Variants in STK39 observed in about 807,000 individuals in gnomAD.
The protein encoded by STK39 is STE20/SPS1-related proline-alanine-rich protein kinase.
A neutral mutation model predicts 77.8 loss-of-function variants in STK39; 20 were observed. That is an observed-to-expected ratio of 0.26 (90% CI 0.18 to 0.37). The LOEUF (loss-of-function observed/expected upper bound fraction) is 0.37, where lower values mean the gene tolerates loss of function less well. Among genes scored for constraint, STK39 ranks in the 10% least tolerant of loss-of-function variants. STK39 has a pLI of 1.00. For missense variants in STK39, 479 were observed against 656.5 expected (o/e 0.73, Z 2.95); for synonymous variants, 246 against 234.1 (o/e 1.05, Z -0.47).
At chr2:168,211,597 G>A (rs962288221) in intron 1 of STK39, among the ~76,000 whole-genome samples, 1 of 152,300 alleles carries the variant, frequency 6.6e-6, no homozygotes, top group Non-Finnish European at 1.5e-5. Flanking sequence ...CTTTATATCT[G>A]CATCTGCCTT....
At chr2:168,243,035 CAACA>C (rs1221295615) in intron 1 of STK39, among the ~76,000 whole-genome samples, 1 of 151,704 alleles carries the variant, frequency 6.6e-6, no homozygotes, top group African/African-American at 2.4e-5. Context: ...TTAAAAACAA[CAACA>C]AACAAACTAA....
chr2:168,139,398 T>TA lies in STK39; in HGVS notation c.840+890dup, dbSNP rs66702633. ...AAATACACTAAAATCCTAACTATGTTAAAAAAAATTTATATATATATATAT... is the reference window on the plus strand; with the variant it reads ...AAATACACTAAAATCCTAACTATGTTAAAAAAAAATTTATATATATATATAT... On this transcript the variant is annotated intron_variant, in intron 7 of 17. Transcript: ENST00000355999. 5.7e-5 allele frequency among the ~76,000 whole-genome samples: 8 copies of TA among 140,278 alleles called. No homozygotes were observed. In the East Asian group the frequency reaches 7.0e-4, roughly 12 times the overall value. 92.0% of individuals were successfully genotyped at this position (140,278 alleles called of 152,430 possible).
Position 167,984,226 on chromosome 2 carries a change from T to C in STK39, c.1499-19500A>G, listed in dbSNP as rs112736832. ...CAAGTAATGCAAATCTTGCCTTGCA[T>C]CTCATACAGGCAGATTCATACACAA... On this transcript the variant is annotated intron_variant, in intron 16 of 17. Transcript: ENST00000355999. 2.9e-3 allele frequency among the ~76,000 whole-genome samples: 444 copies of C among 152,334 alleles called. 4 individuals carry two copies. The highest frequency in any genetic ancestry group is 2.4e-3 in the Non-Finnish European group (165 of 68,034).
chr2:168,189,938 A>G lies in STK39; in HGVS notation c.209-7848T>C, dbSNP rs577250555. ...CTAAGAAAAAGATTACTTCATTTTGATGGGGAGTATAGGGAGAAGAGAGGA... is the reference window on the plus strand; with the variant it reads ...CTAAGAAAAAGATTACTTCATTTTGGTGGGGAGTATAGGGAGAAGAGAGGA... On this transcript the variant is annotated intron_variant, in intron 1 of 17. Coordinates refer to ENST00000355999, the MANE Select transcript of STK39 (RefSeq NM_013233.3). 4.6e-5 allele frequency among the ~76,000 whole-genome samples: 7 copies of G among 152,266 alleles called. No individual in the cohort carries two copies. The South Asian group carries it at 1.5e-3, about 32-fold the overall frequency.
intron 14 of STK39, among the ~76,000 whole-genome samples, chr2:168,057,625 G>C (rs1254585169): frequency 6.6e-6 from 1 of 152,136 alleles, no homozygotes. Context: ...AGTGATCCCT[G>C]TTCCAGCCTG....
chr2:168,051,077 C>T (rs1685383492), intron 14 of STK39, among the ~76,000 whole-genome samples: 1 of 152,136 alleles, frequency 6.6e-6, no homozygotes, highest in South Asian at 2.1e-4. Context: ...GAAATCTTAC[C>T]ACTCATTATC....
At chr2:168,184,461 C>G (rs937065567) in intron 1 of STK39, among the ~76,000 whole-genome samples, 1 of 152,154 alleles carries the variant, frequency 6.6e-6, no homozygotes, top group Non-Finnish European at 1.5e-5. Flanking sequence ...AAAGATTTCC[C>G]TTCAACTATA....
chr2:168,236,282 G>A (rs1416043121), intron 1 of STK39, among the ~76,000 whole-genome samples: 51 of 152,114 alleles, frequency 3.4e-4, no homozygotes, highest in African/African-American at 1.1e-3. Flanking sequence ...CATATCCTTC[G>A]CCCACTTTTT....
intron 1 of STK39, among the ~76,000 whole-genome samples, chr2:168,206,133 T>C (rs1357661821): frequency 6.6e-6 from 1 of 152,180 alleles, no homozygotes; most frequent in Non-Finnish European, 1.5e-5. Context: ...CTGACAGCAA[T>C]GTCCTCATGA....
chr2:167,987,646 T>A (rs1683595019), intron 16 of STK39, among the ~76,000 whole-genome samples: 1 of 152,124 alleles, frequency 6.6e-6, no homozygotes, highest in Non-Finnish European at 1.5e-5. Context: ...TCCTAATGTT[T>A]TAACAAAGAC....
In STK39 at chr2:167,999,607, G is replaced by A. The variant is rs374590597; in HGVS notation, c.1498+13027C>T. ...CTCCCGAGTAGCTGGAACTACAGGC[G>A]CCTGACACCACGCCCGGCTAATTTT... On this transcript the variant is annotated intron_variant, in intron 16 of 17. Transcript: ENST00000355999. Among the ~76,000 whole-genome samples the A allele has an allele frequency of 1.1e-4, 16 of 151,984 alleles. No individual in the cohort carries two copies. The South Asian group carries it at 2.9e-3, about 28-fold the overall frequency.
intron 14 of STK39, among the ~76,000 whole-genome samples, chr2:168,020,614 CAT>C (rs1460291164): frequency 6.6e-6 from 1 of 150,556 alleles, no homozygotes; most frequent in Non-Finnish European, 1.5e-5. Flanking sequence ...ATAATATACA[CAT>C]ATATGTATAT....
intron 2 of STK39, among the ~76,000 whole-genome samples, chr2:168,172,619 G>A (rs1038874964): frequency 1.2e-4 from 18 of 148,752 alleles, no homozygotes; most frequent in African/African-American, 4.5e-4. Flanking sequence ...TTGTTCCTAA[G>A]ACCGTGAGAT....
chr2:168,203,093 G>A (rs181494984), intron 1 of STK39, among the ~76,000 whole-genome samples: 45 of 152,248 alleles, frequency 3.0e-4, no homozygotes, highest in African/African-American at 1.0e-3. Flanking sequence ...GATGTTTAGA[G>A]CATCCCCGGC....
intron 1 of STK39, among the ~76,000 whole-genome samples, chr2:168,240,502 T>C (rs1018372349): frequency 2.0e-5 from 3 of 152,156 alleles, no homozygotes; most frequent in Non-Finnish European, 4.4e-5. Flanking sequence ...CAGAGTCAAA[T>C]CAAAGAAGAT....
At chr2:167,992,858 A>AT (rs1466577880) in intron 16 of STK39, among the ~76,000 whole-genome samples, 1 of 152,240 alleles carries the variant, frequency 6.6e-6, no homozygotes. Context: ...CCATTTGTCT[A>AT]TTAAAAATAA....
intron 10 of STK39, among the ~76,000 whole-genome samples, chr2:168,078,166 A>C (rs770752861): frequency 9.8e-5 from 15 of 152,376 alleles, no homozygotes; most frequent in Non-Finnish European, 2.1e-4. Flanking sequence ...ATAATCTCAC[A>C]AATTCTTCAG....
chr2:168,060,330 G>A (rs1685632244), intron 14 of STK39, among the ~76,000 whole-genome samples: 1 of 152,188 alleles, frequency 6.6e-6, no homozygotes, highest in Non-Finnish European at 1.5e-5. Context: ...ATTTAGAGAT[G>A]GAGCCTTTGG....
At chr2:168,014,777 C>T (rs1684364530) in intron 15 of STK39, among the ~76,000 whole-genome samples, 1 of 152,140 alleles carries the variant, frequency 6.6e-6, no homozygotes, top group African/African-American at 2.4e-5. Flanking sequence ...GATGTGTTAC[C>T]CATCACTTCT....
Sources: allele counts gnomAD v4.1 joint callset (sites outside exome capture counted in the v4.1 genomes callset), GRCh38; gene constraint gnomAD v4.1.1; transcripts MANE v1.5; gene names NCBI Gene and HGNC (gene_info 2026-07-23, HGNC 2026-07-21).